The following PDGFRL variants were observed in gnomAD, a reference collection of about 807,000 sequenced individuals.
PDGFRL encodes platelet-derived growth factor receptor-like protein.
A neutral mutation model predicts 37.2 loss-of-function variants in PDGFRL; 46 were observed. The ratio of observed to expected loss-of-function variants is 1.24; its 90% CI spans 0.98 to 1.58. The LOEUF is 1.58. Ranked by LOEUF, PDGFRL falls within the 40% of genes most tolerant of loss-of-function variation. The pLI is 0.00. For missense variants in PDGFRL, 692 were observed against 467.6 expected (o/e 1.48, Z -4.43); for synonymous variants, 251 against 184.3 (o/e 1.36, Z -2.93).
intron 2 of PDGFRL, among the ~76,000 whole-genome samples, chr8:17,594,970 T>C (rs917595054): frequency 7.9e-5 from 12 of 151,686 alleles, no homozygotes; most frequent in South Asian, 6.3e-4. Context: ...TTAATTCTTT[T>C]GGATGTATAC....
At position 17,642,726 on chromosome 8, in the gene PDGFRL, T is replaced by C. The variant is rs1163977417; in HGVS notation, c.1053T>C (p.Asp351=). 1 of 1,607,494 alleles carries C rather than the reference T, an allele frequency of 6.2e-7. No individual in the cohort carries two copies. Among genetic ancestry groups the C allele is most frequent in the Non-Finnish European group, 8.5e-7 (1 of 1,173,842 alleles). ...VITVEDFETI[D]AGYYICTAQN... ...CAGTGGAAGACTTTGAGACGATTGATGCAGGATATTACATTTGCACTGCTC... is the reference window on the plus strand; with the variant it reads ...CAGTGGAAGACTTTGAGACGATTGACGCAGGATATTACATTTGCACTGCTC... Residue 351 remains aspartate, a synonymous_variant, in exon 6 of 6, where the codon GAT becomes GAC. Coordinates refer to ENST00000251630, the MANE Select transcript of PDGFRL (RefSeq NM_001372073.1).
intron 4 of PDGFRL, among the ~76,000 whole-genome samples, chr8:17,632,129 G>C (rs1260525944): frequency 6.6e-6 from 1 of 152,128 alleles, no homozygotes; most frequent in African/African-American, 2.4e-5. Flanking sequence ...CACGGGTCAG[G>C]CCTGCGGCTG....
intron 1 of PDGFRL, among the ~76,000 whole-genome samples, chr8:17,581,685 A>G (rs918821185): frequency 1.3e-5 from 2 of 152,134 alleles, no homozygotes; most frequent in African/African-American, 2.4e-5. Context: ...CCACCGCACC[A>G]TGTGATCTCT....
At chr8:17,579,613 G>C (rs1375945036) in intron 1 of PDGFRL, among the ~76,000 whole-genome samples, 1 of 150,364 alleles carries the variant, frequency 6.7e-6, no homozygotes, top group Non-Finnish European at 1.5e-5. Flanking sequence ...TGTCACCCAG[G>C]TGGAGTGCAG....
At chr8:17,596,085 A>C (rs1585306514) in intron 2 of PDGFRL, among the ~76,000 whole-genome samples, 1 of 150,434 alleles carries the variant, frequency 6.6e-6, no homozygotes, top group South Asian at 2.1e-4. Context: ...AATGGGAAGC[A>C]ACCAGCCAGG....
intron 2 of PDGFRL, among the ~76,000 whole-genome samples, chr8:17,608,113 C>T (rs1028061803): frequency 2.0e-5 from 3 of 152,190 alleles, no homozygotes; most frequent in Non-Finnish European, 4.4e-5. Flanking sequence ...TGTCTCCTGC[C>T]TCGCTTGGTG....
intron 3 of PDGFRL, among the ~76,000 whole-genome samples, chr8:17,628,036 C>G (rs1429430104): frequency 3.5e-5 from 5 of 142,724 alleles, no homozygotes; most frequent in Non-Finnish European, 6.0e-5. Context: ...CTCTGTCGCC[C>G]AGGCTGGAGT....
Position 17,589,638 on chromosome 8 carries a change from C to A in PDGFRL, c.226C>A (p.Arg76Ser), listed in dbSNP as rs746835790. ...CATGATGCAAGTGCTGGATAAAGGT[C>A]GCTTCCAGAAACCCGCCGCTACCCT... ...SIMMQVLDKG[R>S]FQKPAATLSL... is the part of the protein sequence containing the mutation. Residue 76 changes from arginine (R) to serine (S), a missense_variant, in exon 2 of 6, where the codon CGC (arginine) becomes AGC (serine). Physicochemically the swap from Arg to Ser is moderately radical, Grantham distance 110 (BLOSUM62 -1). Transcript: ENST00000251630. 4.3e-6 allele frequency: 7 copies of A among 1,613,670 alleles called. No individual in the cohort carries two copies. The highest frequency in any genetic ancestry group is 1.3e-5 in the African/African-American group (1 of 74,890).
intron 2 of PDGFRL, among the ~76,000 whole-genome samples, chr8:17,590,175 G>A (rs1216580680): frequency 2.9e-5 from 4 of 136,048 alleles, no homozygotes; most frequent in Non-Finnish European, 4.6e-5. Context: ...AGCTTGCATT[G>A]AGCCGAGATA....
intron 1 of PDGFRL, among the ~76,000 whole-genome samples, chr8:17,585,375 C>G (rs1225684455): frequency 6.6e-6 from 1 of 151,992 alleles, no homozygotes; most frequent in African/African-American, 2.4e-5. Context: ...CTCTCTGGTT[C>G]GAATCTCTGA....
intron 2 of PDGFRL, among the ~76,000 whole-genome samples, chr8:17,606,708 G>C (rs1585314280): frequency 4.5e-4 from 1 of 2,210 alleles, no homozygotes; most frequent in Non-Finnish European, 0.12. Context: ...GGACAAGGGT[G>C]GGGGGCAGGT....
At position 17,621,892 on chromosome 8, in the gene PDGFRL, C is replaced by G. The variant is rs75557222; in HGVS notation, c.505+690C>G. Among the ~76,000 whole-genome samples, 12 of 152,058 alleles carry G rather than the reference C, an allele frequency of 7.9e-5. No individual in the cohort carries two copies. In the South Asian group the frequency reaches 2.1e-3, roughly 26 times the overall value. On this transcript the variant is annotated intron_variant, in intron 3 of 5. Coordinates refer to ENST00000251630, the MANE Select transcript of PDGFRL (RefSeq NM_001372073.1). Reference sequence around the variant, plus strand: ...CTCACTGTGTTGCCCAGGCTGGTCTCGAACTCCTGAACTCAAGCTATCCTC... The same window carrying G: ...CTCACTGTGTTGCCCAGGCTGGTCTGGAACTCCTGAACTCAAGCTATCCTC...
At chr8:17,641,839 C>T (rs1376308534) in intron 5 of PDGFRL, among the ~76,000 whole-genome samples, 1 of 147,498 alleles carries the variant, frequency 6.8e-6, no homozygotes, top group Non-Finnish European at 1.5e-5. Context: ...GTACCAGGCA[C>T]TTGATTATCA....
rs182378475 is a variant in PDGFRL, at chr8:17,604,591, G to C, written c.353+14826G>C. Among the ~76,000 whole-genome samples, 1,432 of 152,178 alleles carry C rather than the reference G, an allele frequency of 9.4e-3. 11 individuals are homozygous for C. The highest frequency in any genetic ancestry group is 0.031 in the South Asian group (149 of 4,802). Reference sequence around the variant, plus strand: ...CACATACCGGGGACTGTTGTGGGGTGGGGGGATGGGAGAGGGATAGCATTA... The same window carrying C: ...CACATACCGGGGACTGTTGTGGGGTCGGGGGATGGGAGAGGGATAGCATTA... On this transcript the variant is annotated intron_variant, in intron 2 of 5. Coordinates refer to ENST00000251630, the MANE Select transcript of PDGFRL (RefSeq NM_001372073.1).
At chr8:17,628,429 G>C (rs1804781168) in intron 3 of PDGFRL, 58 bp from the exon 4 acceptor site, 3 of 1,378,538 alleles carry the variant, frequency 2.2e-6, no homozygotes, top group Middle Eastern at 1.8e-4. Flanking sequence ...AATCCTTAAG[G>C]GTGCTTTTAC....
chr8:17,629,343 C>G (rs1804812997), intron 4 of PDGFRL, among the ~76,000 whole-genome samples: 1 of 151,514 alleles, frequency 6.6e-6, no homozygotes, highest in African/African-American at 2.4e-5. Flanking sequence ...CAGCCAAATC[C>G]TTCCATCGTT....
At chr8:17,609,462 G>C (rs1369158750) in intron 2 of PDGFRL, among the ~76,000 whole-genome samples, 1 of 151,144 alleles carries the variant, frequency 6.6e-6, no homozygotes, top group Non-Finnish European at 1.5e-5. Flanking sequence ...GCGACAGAGC[G>C]AGACTCTGTC....
chr8:17,621,110 C>G lies in PDGFRL; in HGVS notation c.413C>G (p.Thr138Arg). Residue 138 changes from threonine (T) to arginine (R), a missense_variant, in exon 3 of 6, where the codon ACA becomes AGA. Thr to Arg is a moderately conservative substitution (Grantham distance 71, BLOSUM62 -1). Coordinates refer to ENST00000251630, the MANE Select transcript of PDGFRL (RefSeq NM_001372073.1). ...LTLVNSTSAD[T>R]GEFSCWVQLC... Reference sequence around the variant, plus strand: ...CTGGTCAACTCCACCTCGGCAGACACAGGTGAATTCAGCTGCTGGGTGCAG... The same window carrying G: ...CTGGTCAACTCCACCTCGGCAGACAGAGGTGAATTCAGCTGCTGGGTGCAG... The G allele has an allele frequency of 6.2e-7, 1 of 1,611,894 alleles. No individual in the cohort carries two copies. The highest frequency in any genetic ancestry group is 8.5e-7 in the Non-Finnish European group (1 of 1,178,408).
At chr8:17,640,282 T>C (rs962107296) in intron 5 of PDGFRL, among the ~76,000 whole-genome samples, 1 of 152,224 alleles carries the variant, frequency 6.6e-6, no homozygotes, top group Non-Finnish European at 1.5e-5. Context: ...TTCTGGCAAT[T>C]CAGGGATTTC....
Sources: allele counts gnomAD v4.1 joint callset (sites outside exome capture counted in the v4.1 genomes callset), GRCh38; gene constraint gnomAD v4.1.1; transcripts MANE v1.5; gene names NCBI Gene and HGNC (gene_info 2026-07-23, HGNC 2026-07-21).